Variants in TIMM23B observed in about 807,000 individuals in gnomAD.
TIMM23B encodes the protein mitochondrial import inner membrane translocase subunit Tim23B.
A neutral mutation model predicts 27.3 loss-of-function variants in TIMM23B; 27 were observed. That is an observed-to-expected ratio of 0.99 (90% confidence interval 0.73 to 1.36). The LOEUF (loss-of-function observed/expected upper bound fraction) is 1.36, where lower values mean the gene tolerates loss of function less well. Among genes scored for constraint, TIMM23B ranks in the 40% most tolerant of loss-of-function variants. The pLI is 0.00. For synonymous variants in TIMM23B, 73 were observed against 92.4 expected (o/e 0.79, Z 1.21); for missense variants, 205 against 244.2 (o/e 0.84, Z 1.07).
chr10:49,968,378 T>C (rs1292214026), intron 6 of TIMM23B, among the ~76,000 whole-genome samples: 3 of 152,266 alleles, frequency 2.0e-5, no homozygotes, highest in Non-Finnish European at 4.4e-5. Flanking sequence ...CTCTTAGGTC[T>C]GTGGAGTCAA....
Position 49,942,130 on chromosome 10 carries a change from T to G in TIMM23B, c.-65T>G, listed in dbSNP as rs1589022220. 1 of 1,515,700 alleles carries G rather than the reference T, an allele frequency of 6.6e-7. No individual in the cohort carries two copies. Among genetic ancestry groups the G allele is most frequent in the Non-Finnish European group, 8.9e-7 (1 of 1,123,332 alleles). The allele number at this position is 1,515,700 out of a possible 1,614,324, so 93.9% of individuals were successfully genotyped here. A position where few individuals can be genotyped will look rare whatever the true frequency, so the allele number is the denominator to read the frequency against. ...GGGGTTACCCGCTGTTATTGAGGAG[T>G]AACGGCCCAGCGGACCACCCAGGCT... On this transcript the variant is annotated 5_prime_UTR_variant, in exon 1 of 7. It removes the in-frame stop codon of an upstream open reading frame in the 5' UTR. Transcript: ENST00000651259.
In TIMM23B at chr10:49,973,011, G is replaced by C; in HGVS notation, c.515-1G>C. ...GTTATTTTTGTTTTCATTGCTTTTAGTGTCAGAGATGGCTTTGGATTCCCC... is the reference window on the plus strand; with the variant it reads ...GTTATTTTTGTTTTCATTGCTTTTACTGTCAGAGATGGCTTTGGATTCCCC... On this transcript the variant is annotated splice_acceptor_variant, in intron 6 of 6. Coordinates refer to ENST00000651259, the MANE Select transcript of TIMM23B (RefSeq NM_001290117.2). LOFTEE classifies it high-confidence loss of function. 24 of 1,483,418 alleles carry C rather than the reference G, an allele frequency of 1.6e-5. No homozygotes were observed. Among genetic ancestry groups the C allele is most frequent in the Non-Finnish European group, 2.1e-5 (23 of 1,101,904 alleles). 91.9% of individuals were successfully genotyped at this position (1,483,418 alleles called of 1,614,324 possible). A position where few individuals can be genotyped will look rare whatever the true frequency, so the allele number is the denominator to read the frequency against.
chr10:49,958,265 A>C, intron 5 of TIMM23B, 105 bp from the exon 6 acceptor site: 1 of 737,636 alleles, frequency 1.4e-6, no homozygotes, highest in South Asian at 1.5e-5. Context: ...AGGAAGGGCT[A>C]TGGGAGTTAT....
intron 1 of TIMM23B, 147 bp downstream of exon 1, chr10:49,942,447 C>T (rs1187863813): frequency 1.4e-6 from 2 of 1,406,822 alleles, no homozygotes; most frequent in Non-Finnish European, 1.9e-6. Context: ...AGTGTATCTG[C>T]ATGGCTGCTC....
intron 6 of TIMM23B, among the ~76,000 whole-genome samples, chr10:49,970,684 G>T (rs1222858145): frequency 1.4e-5 from 2 of 145,198 alleles, no homozygotes; most frequent in Non-Finnish European, 3.0e-5. Flanking sequence ...CCCCTGCCCC[G>T]CCAGCCACCC....
intron 6 of TIMM23B, among the ~76,000 whole-genome samples, chr10:49,963,303 G>A (rs1589043449): frequency 6.6e-6 from 1 of 151,964 alleles, no homozygotes; most frequent in African/African-American, 2.4e-5. Context: ...GAAATGAAAT[G>A]GAATGAAATG....
At chr10:49,962,976 C>G (rs1207783159) in intron 6 of TIMM23B, among the ~76,000 whole-genome samples, 17 of 150,196 alleles carry the variant, frequency 1.1e-4, no homozygotes, top group African/African-American at 3.9e-4. Context: ...ACAGCAACCT[C>G]TGCCTCCTGA....
At chr10:49,964,527 C>T (rs1554855107) in intron 6 of TIMM23B, among the ~76,000 whole-genome samples, 2 of 146,244 alleles carry the variant, frequency 1.4e-5, no homozygotes, top group African/African-American at 2.5e-5. Flanking sequence ...CCAGCCTGGG[C>T]AATAGAGGGA....
chr10:49,943,818 A>G (rs1251650622), intron 1 of TIMM23B, among the ~76,000 whole-genome samples: 8 of 151,036 alleles, frequency 5.3e-5, no homozygotes, highest in Non-Finnish European at 5.9e-5. Flanking sequence ...ACCAACAAAC[A>G]TAAATTAAAA....
At position 49,950,122 on chromosome 10, in the gene TIMM23B, A is replaced by G. The variant is rs1322058208; in HGVS notation, c.166-2004A>G. Among the ~76,000 whole-genome samples the G allele has an allele frequency of 1.5e-3, 228 of 152,200 alleles. 1 individual carries two copies. The highest frequency in any genetic ancestry group is 5.2e-3 in the African/African-American group (218 of 41,538). On this transcript the variant is annotated intron_variant, in intron 2 of 6. Coordinates refer to ENST00000651259, the MANE Select transcript of TIMM23B (RefSeq NM_001290117.2). ...TTGTTAGCCCAGGTGAACATCTGGT[A>G]CAAAAATAAGGAAAATTTAAATATT...
chr10:49,948,260 T>C (rs1839415317), intron 2 of TIMM23B, among the ~76,000 whole-genome samples: 1 of 152,120 alleles, frequency 6.6e-6, no homozygotes, highest in Non-Finnish European at 1.5e-5. Context: ...CTCTGTACAT[T>C]GCTGGTGGGA....
Position 49,944,978 on chromosome 10 carries a change from A to G in TIMM23B, c.107-54A>G, listed in dbSNP as rs1362271890. The G allele has an allele frequency of 1.9e-6, 3 of 1,573,872 alleles. No individual in the cohort carries two copies. The African/African-American group carries it at 4.1e-5, about 21-fold the overall frequency. ...ACAATCAGGAGCTGGATTAACTCTAACTGGATTAACTTAAAGAATTTTGTT... is the reference window on the plus strand; with the variant it reads ...ACAATCAGGAGCTGGATTAACTCTAGCTGGATTAACTTAAAGAATTTTGTT... On this transcript the variant is annotated intron_variant, in intron 1 of 6. Transcript: ENST00000651259.
At chr10:49,959,499 C>CT (rs1839828097) in intron 6 of TIMM23B, among the ~76,000 whole-genome samples, 1 of 152,190 alleles carries the variant, frequency 6.6e-6, no homozygotes, top group African/African-American at 2.4e-5. Context: ...CCTAATTTAG[C>CT]TTTTTTATTG....
At chr10:49,946,117 G>A (rs1839349262) in intron 2 of TIMM23B, among the ~76,000 whole-genome samples, 1 of 151,394 alleles carries the variant, frequency 6.6e-6, no homozygotes, top group African/African-American at 2.4e-5. Flanking sequence ...TTGAACCCTG[G>A]ATACAAAGGT....
intron 2 of TIMM23B, among the ~76,000 whole-genome samples, chr10:49,947,938 A>G (rs1839406232): frequency 6.6e-6 from 1 of 152,320 alleles, no homozygotes; most frequent in East Asian, 1.9e-4. Context: ...AAAAGGAAAA[A>G]AATGGGGAAA....
At position 49,973,013 on chromosome 10, in the gene TIMM23B, G is replaced by A; in HGVS notation, c.516G>A (p.Val172=). Residue 172 remains valine, a splice_region_variant and synonymous_variant, in exon 7 of 7, where the codon GTG becomes GTA. Coordinates refer to ENST00000651259, the MANE Select transcript of TIMM23B (RefSeq NM_001290117.2). ...TATTTTTGTTTTCATTGCTTTTAGT[G>A]TCAGAGATGGCTTTGGATTCCCCGT... ...TMTGMLYKCT[V]SEMALDSPFC... 3 of 1,502,568 alleles carry A rather than the reference G, an allele frequency of 2.0e-6. No homozygotes were observed. The highest frequency in any genetic ancestry group is 2.7e-6 in the Non-Finnish European group (3 of 1,119,142). 93.1% of individuals were successfully genotyped at this position (1,502,568 alleles called of 1,614,324 possible). A position where few individuals can be genotyped will look rare whatever the true frequency, so the allele number is the denominator to read the frequency against.
At chr10:49,968,893 G>GA (rs1342416365) in intron 6 of TIMM23B, among the ~76,000 whole-genome samples, 2 of 152,146 alleles carry the variant, frequency 1.3e-5, no homozygotes, top group African/African-American at 4.8e-5. Context: ...ATGACCTTTT[G>GA]AAAAAGGTCC....
At chr10:49,959,369 G>C (rs1420802397) in intron 6 of TIMM23B, among the ~76,000 whole-genome samples, 15 of 152,130 alleles carry the variant, frequency 9.9e-5, no homozygotes, top group Admixed American at 7.2e-4. Flanking sequence ...AGTCAATTTA[G>C]AGCATCTTAT....
At chr10:49,948,019 T>A (rs1839408959) in intron 2 of TIMM23B, among the ~76,000 whole-genome samples, 1 of 152,226 alleles carries the variant, frequency 6.6e-6, no homozygotes, top group East Asian at 1.9e-4. Flanking sequence ...TCTAGAATAT[T>A]TAATTTTTTT....
Sources: gnomAD v4.1 joint callset for allele counts (sites outside exome capture counted in the v4.1 genomes callset) on GRCh38, gnomAD v4.1.1 for gene constraint, MANE v1.5 for transcripts, NCBI Gene and HGNC (gene_info 2026-07-23, HGNC 2026-07-21) for gene names.